Variants in TNS1 observed in about 807,000 individuals in gnomAD.
TNS1 encodes tensin-1.
A neutral mutation model predicts 168.6 loss-of-function variants in TNS1; 62 were observed. The ratio of observed to expected loss-of-function variants is 0.37; its 90% CI spans 0.30 to 0.45. TNS1 has a LOEUF of 0.45. Among genes scored for constraint, TNS1 ranks in the 20% least tolerant of loss-of-function variants. TNS1 has a pLI of 1.00. For synonymous variants in TNS1, 934 were observed against 933.2 expected (o/e 1.00, Z -0.02); for missense variants, 2,240 against 2,339.4 (o/e 0.96, Z 0.88).
chr2:217,941,388 G>A (rs1820321), intron 3 of TNS1, among the ~76,000 whole-genome samples: 3 of 152,294 alleles, frequency 2.0e-5, no homozygotes, highest in South Asian at 4.1e-4. Context: ...GGGCAGAGTG[G>A]GCCAGGAGGC....
chr2:217,902,612 C>T (rs1953140244), intron 6 of TNS1, among the ~76,000 whole-genome samples: 1 of 152,104 alleles, frequency 6.6e-6, no homozygotes, highest in African/African-American at 2.4e-5. Flanking sequence ...CTCAGCCTCC[C>T]CACCCCAAAA....
intron 3 of TNS1, among the ~76,000 whole-genome samples, chr2:217,925,037 G>A (rs1000697224): frequency 3.3e-5 from 5 of 152,092 alleles, no homozygotes; most frequent in African/African-American, 1.2e-4. Flanking sequence ...TTATGAATAC[G>A]GTTCATCTGC....
chr2:217,905,046 G>A (rs1179713730), intron 6 of TNS1, among the ~76,000 whole-genome samples: 1 of 152,162 alleles, frequency 6.6e-6, no homozygotes, highest in Non-Finnish European at 1.5e-5. Flanking sequence ...TGCCATACAG[G>A]GGTGTCAGGA....
chr2:217,895,203 G>A (rs749282410), intron 8 of TNS1, 147 bp from the exon 9 acceptor site: 3 of 798,754 alleles, frequency 3.8e-6, no homozygotes, highest in East Asian at 2.7e-5. Context: ...ATCCAGCAGA[G>A]CGTCAATGTC....
intron 1 of TNS1, among the ~76,000 whole-genome samples, chr2:218,008,499 A>C (rs1559411079): frequency 6.6e-6 from 1 of 152,180 alleles, no homozygotes; most frequent in Non-Finnish European, 1.5e-5. Context: ...TCCAGACTCC[A>C]TGGCATCTGA....
upstream of TNS1, among the ~76,000 whole-genome samples, chr2:218,014,407 C>T (rs1335045101): frequency 6.6e-6 from 1 of 152,166 alleles, no homozygotes; most frequent in Non-Finnish European, 1.5e-5. Flanking sequence ...AAGCAGGTTC[C>T]CAGGCCCCTC....
intron 3 of TNS1, among the ~76,000 whole-genome samples, chr2:217,947,136 C>T (rs1957129837): frequency 6.6e-6 from 1 of 152,072 alleles, no homozygotes; most frequent in South Asian, 2.1e-4. Context: ...TAAGCCAACC[C>T]ATGCTCCTCT....
At chr2:218,027,996 C>T (rs1024700409) in intron 1 of TNS1, among the ~76,000 whole-genome samples, 2 of 152,178 alleles carry the variant, frequency 1.3e-5, no homozygotes, top group Non-Finnish European at 2.9e-5. Flanking sequence ...TTGGTGGCAA[C>T]GCTCAGAAGT....
At position 217,812,415 on chromosome 2, in the gene TNS1, G is replaced by A; in HGVS notation, c.4985C>T (p.Ser1662Phe). Reference protein sequence around the residue: ...GSLSALVYQHSIIPLALPCKL... With the variant: ...GSLSALVYQHFIIPLALPCKL... ...GCAAGGCAGGGCCAATGGGATGATG[G>A]AGTGCTGGTAGACCAGGGCAGACAG... The change falls in exon 28 of 33, where the codon TCC becomes TTC. Residue 1662 changes from serine (S) to phenylalanine (F), a missense_variant. By Grantham distance (155) the Ser-to-Phe change is radical (BLOSUM62 -2). Transcript: ENST00000682258. The A allele has an allele frequency of 6.2e-7, 1 of 1,614,180 alleles. No individual in the cohort carries two copies. Among genetic ancestry groups the A allele is most frequent in the East Asian group, 2.2e-5 (1 of 44,880 alleles).
intron 3 of TNS1, among the ~76,000 whole-genome samples, chr2:217,952,202 G>A (rs372030470): frequency 7.2e-5 from 11 of 152,352 alleles, no homozygotes; most frequent in Non-Finnish European, 1.0e-4. Flanking sequence ...CCCTGGTACA[G>A]CCCCAGTGCC....
At position 218,032,648 on chromosome 2, in the gene TNS1, G is replaced by C. The variant is rs1958906914; in HGVS notation, c.156+1172C>G. ...AGATGTTTATCTGCCCCAAGAACGA[G>C]GGTATCACCCCTCCTCTAGTGAGGC... On this transcript the variant is annotated intron_variant, in intron 1 of 1. Coordinates refer to the TNS1 transcript ENST00000649572. The surrounding 1 kb of genome is among the most constrained non-coding windows in gnomAD (Gnocchi z 4.0). Among the ~76,000 whole-genome samples, 2 of 152,172 alleles carry C rather than the reference G, an allele frequency of 1.3e-5. No individual in the cohort carries two copies. Among genetic ancestry groups the C allele is most frequent in the African/African-American group, 2.4e-5 (1 of 41,436 alleles).
At chr2:217,893,296 T>C (rs1951921484) in intron 10 of TNS1, 143 bp downstream of exon 10, 2 of 1,392,400 alleles carry the variant, frequency 1.4e-6, no homozygotes, top group South Asian at 1.6e-5. Flanking sequence ...GAAAGAAAAA[T>C]ACACACAGAC....
At chr2:217,950,696 C>T (rs887374150) in intron 3 of TNS1, among the ~76,000 whole-genome samples, 1 of 151,084 alleles carries the variant, frequency 6.6e-6, no homozygotes, top group Non-Finnish European at 1.5e-5. Context: ...CAGAGCTGTC[C>T]ACTGGCCCAG....
chr2:217,840,756 G>A lies in TNS1; in HGVS notation c.3008-4545C>T, dbSNP rs555391451. On this transcript the variant is annotated intron_variant, in intron 19 of 32. Transcript: ENST00000682258. ...CTGCAGCCCAGGCAGTCTGGCCAGG[G>A]TGGCCGGAGTGCTGGACTGTCCAGA... Among the ~76,000 whole-genome samples, 20 of 152,362 alleles carry A rather than the reference G, an allele frequency of 1.3e-4. No homozygotes were observed. The South Asian group carries it at 2.3e-3, about 17-fold the overall frequency.
chr2:217,815,537 G>A (rs1037162112), intron 24 of TNS1, among the ~76,000 whole-genome samples: 6 of 152,108 alleles, frequency 3.9e-5, no homozygotes, highest in African/African-American at 9.7e-5. Flanking sequence ...AGGGACCTTC[G>A]GCCTCCTCAT....
At chr2:217,998,173 C>T (rs1958503149) in intron 1 of TNS1, among the ~76,000 whole-genome samples, 2 of 151,982 alleles carry the variant, frequency 1.3e-5, no homozygotes, top group Admixed American at 1.3e-4. Flanking sequence ...GAGCCTTTAG[C>T]TCCTGACTCA....
At chr2:218,000,322 T>A (rs1167770268) in intron 1 of TNS1, among the ~76,000 whole-genome samples, 1 of 152,224 alleles carries the variant, frequency 6.6e-6, no homozygotes, top group East Asian at 1.9e-4. Flanking sequence ...GCACAAGAAC[T>A]ATCTCAGTCA....
At chr2:217,845,867 C>G (rs1022119257) in intron 19 of TNS1, among the ~76,000 whole-genome samples, 17 of 152,166 alleles carry the variant, frequency 1.1e-4, no homozygotes, top group African/African-American at 4.1e-4. Context: ...TCTGCTCCCC[C>G]AGAGAGAAGG....
At chr2:217,889,039 C>T (rs143219363) in intron 12 of TNS1, among the ~76,000 whole-genome samples, 44 of 152,302 alleles carry the variant, frequency 2.9e-4, no homozygotes, top group African/African-American at 9.9e-4. Context: ...AAGGCCACAC[C>T]GTGATTACAG....
Sources: gnomAD v4.1 joint callset for allele counts (sites outside exome capture counted in the v4.1 genomes callset) on GRCh38, gnomAD v4.1.1 for gene constraint, Gnocchi (gnomAD v3.1) non-coding constraint, MANE v1.5 for transcripts, NCBI Gene and HGNC (gene_info 2026-07-23, HGNC 2026-07-21) for gene names.